Variants in WWC1 observed in about 807,000 individuals in gnomAD.
WWC1 encodes the protein protein KIBRA.
In WWC1, 55 loss-of-function variants were observed where a neutral mutation model predicts 138.4. That is an observed-to-expected ratio of 0.40 (90% CI 0.32 to 0.50). WWC1 has a LOEUF of 0.50. Among genes scored for constraint, WWC1 ranks in the 20% least tolerant of loss-of-function variants. The pLI, the probability that WWC1 is intolerant of heterozygous loss-of-function variation, is 0.72. For missense variants in WWC1, 1,226 were observed against 1,420.4 expected (o/e 0.86, Z 2.20); for synonymous variants, 524 against 564.9 (o/e 0.93, Z 1.03).
Position 168,349,243 on chromosome 5 carries a change from G to T in WWC1, c.120-22181G>T, listed in dbSNP as rs929425185. 4.1e-4 allele frequency among the ~76,000 whole-genome samples: 62 copies of T among 152,288 alleles called. 2 individuals carry two copies. The highest frequency in any genetic ancestry group is 1.5e-3 in the African/African-American group (61 of 41,558). On this transcript the variant is annotated intron_variant, in intron 1 of 22. Transcript: ENST00000265293. The stretch of plus-strand genomic sequence containing the variant: ...ACCTGTAAGGTCATTCAGCCATGCA[G>T]GTGTAGGCCTCTTGGGCACGTGGGT...
chr5:168,465,833 C>T (rs1757251954), intron 21 of WWC1, among the ~76,000 whole-genome samples: 1 of 152,160 alleles, frequency 6.6e-6, no homozygotes, highest in African/African-American at 2.4e-5. Context: ...GTTGCGATTA[C>T]AGGCATGAGC....
intron 1 of WWC1, among the ~76,000 whole-genome samples, chr5:168,312,703 G>C (rs1282377827): frequency 2.0e-5 from 3 of 152,144 alleles, no homozygotes; most frequent in Non-Finnish European, 4.4e-5. Flanking sequence ...ATATCACAGA[G>C]CCAGCCTTGA....
intron 1 of WWC1, among the ~76,000 whole-genome samples, chr5:168,301,305 A>G (rs537704195): frequency 2.0e-4 from 31 of 152,204 alleles, no homozygotes; most frequent in Non-Finnish European, 4.4e-4. Context: ...AAAGATCATT[A>G]GAGGACACTG....
intron 3 of WWC1, among the ~76,000 whole-genome samples, chr5:168,393,429 C>T (rs1350483154): frequency 1.3e-5 from 2 of 152,144 alleles, no homozygotes; most frequent in African/African-American, 4.8e-5. Context: ...AGACTTCTCA[C>T]CAATAGCACT....
At chr5:168,456,695 C>A (rs1455098516) in intron 19 of WWC1, among the ~76,000 whole-genome samples, 26 of 86,162 alleles carry the variant, frequency 3.0e-4, no homozygotes, top group African/African-American at 1.4e-3. Context: ...TAATGCTCCG[C>A]CAATTTTTTT....
intron 1 of WWC1, among the ~76,000 whole-genome samples, chr5:168,357,493 TGCGCGCGC>T (rs374080598): frequency 5.8e-5 from 7 of 119,810 alleles, no homozygotes; most frequent in African/African-American, 3.0e-4. Context: ...TGTGTGTGTG[TGCGCGCGC>T]GCACGCATGC....
At chr5:168,339,781 A>G (rs1374879796) in intron 1 of WWC1, among the ~76,000 whole-genome samples, 1 of 144,570 alleles carries the variant, frequency 6.9e-6, no homozygotes, top group Non-Finnish European at 1.5e-5. Flanking sequence ...CAACGAGACT[A>G]TGAGACAAGT....
At chr5:168,380,895 A>G (rs777858706) in intron 2 of WWC1, among the ~76,000 whole-genome samples, 1 of 152,172 alleles carries the variant, frequency 6.6e-6, no homozygotes, top group Non-Finnish European at 1.5e-5. Flanking sequence ...AGGCCCTAAG[A>G]GCAAATAACT....
chr5:168,466,297 C>A (rs538784674), intron 21 of WWC1, among the ~76,000 whole-genome samples: 1 of 151,964 alleles, frequency 6.6e-6, no homozygotes, highest in Non-Finnish European at 1.5e-5. Flanking sequence ...TATGCAAGGG[C>A]CAATATAGGA....
rs1371983220 is a variant in WWC1 at position 168,469,376 on chromosome 5, T to A, written c.*359T>A. On this transcript the variant is annotated 3_prime_UTR_variant, in exon 23 of 23. Coordinates refer to ENST00000265293, the MANE Select transcript of WWC1 (RefSeq NM_015238.3). The stretch of plus-strand genomic sequence containing the variant: ...TTAGATTTTTTTTGGTTTGTACAGC[T>A]CCACCTTTTAGAGGTCTTACTGCAA... 8.6e-6 allele frequency: 2 copies of A among 232,364 alleles called. No homozygotes were observed. The highest frequency in any genetic ancestry group is 4.5e-5 in the African/African-American group (2 of 44,370). 14.4% of individuals were successfully genotyped at this position (232,364 alleles called of 1,614,324 possible). A position where few individuals can be genotyped will look rare whatever the true frequency, so the allele number is the denominator to read the frequency against.
intron 5 of WWC1, among the ~76,000 whole-genome samples, chr5:168,405,611 C>T (rs891442963): frequency 4.6e-5 from 7 of 151,994 alleles, no homozygotes; most frequent in African/African-American, 1.7e-4. Context: ...GAAGGCTTCC[C>T]ATAAGAGCTG....
At chr5:168,372,754 C>A (rs1318533784) in intron 2 of WWC1, among the ~76,000 whole-genome samples, 1 of 152,190 alleles carries the variant, frequency 6.6e-6, no homozygotes, top group Non-Finnish European at 1.5e-5. Flanking sequence ...TTCAGTAGCA[C>A]CCTGGCCACA....
chr5:168,423,407 G>A (rs867879276), intron 10 of WWC1, 126 bp from the exon 11 acceptor site: 1 of 1,058,916 alleles, frequency 9.4e-7, no homozygotes, highest in Non-Finnish European at 1.4e-6. Context: ...GGGGGTGAAG[G>A]GTCTACCCTA....
intron 17 of WWC1, among the ~76,000 whole-genome samples, chr5:168,452,059 C>T (rs1333998291): frequency 6.6e-6 from 1 of 152,044 alleles, no homozygotes; most frequent in Non-Finnish European, 1.5e-5. Context: ...GTGCCCACCA[C>T]CACGCCTGGC....
chr5:168,426,147 G>T (rs1392856446), intron 11 of WWC1, among the ~76,000 whole-genome samples: 1 of 152,158 alleles, frequency 6.6e-6, no homozygotes, highest in Non-Finnish European at 1.5e-5. Context: ...GAGTGCCAGT[G>T]GTTTCCTTAG....
intron 4 of WWC1, among the ~76,000 whole-genome samples, chr5:168,398,138 C>CT (rs1421460381): frequency 1.3e-5 from 2 of 152,038 alleles, no homozygotes; most frequent in East Asian, 3.8e-4. Context: ...GAGTCTCGCT[C>CT]TGTCACCCAG....
intron 2 of WWC1, among the ~76,000 whole-genome samples, chr5:168,375,772 A>G (rs964781913): frequency 6.6e-6 from 1 of 151,884 alleles, no homozygotes; most frequent in Non-Finnish European, 1.5e-5. Context: ...ACAGGGTTTC[A>G]CCTTGTTGGC....
rs59179466 is a variant in WWC1 at position 168,418,682 on chromosome 5, C to T, written c.1185-3326C>T. Among the ~76,000 whole-genome samples, 562 of 152,158 alleles carry T rather than the reference C, an allele frequency of 3.7e-3. 4 individuals carry two copies. The highest frequency in any genetic ancestry group is 0.013 in the African/African-American group (548 of 41,514). ...CATCCTCTTGAGGCTTCACTGGGGA[C>T]CCACATTTACTCCCAGCACACACCT... On this transcript the variant is annotated intron_variant, in intron 9 of 22. Coordinates refer to ENST00000265293, the MANE Select transcript of WWC1 (RefSeq NM_015238.3).
intron 1 of WWC1, among the ~76,000 whole-genome samples, chr5:168,321,711 A>G (rs1345492821): frequency 1.3e-5 from 2 of 151,650 alleles, no homozygotes; most frequent in Non-Finnish European, 2.9e-5. Context: ...CTAATTTTGT[A>G]TTTTTAGTAG....
Sources: gnomAD v4.1 joint callset for allele counts (sites outside exome capture counted in the v4.1 genomes callset) on GRCh38, gnomAD v4.1.1 for gene constraint, MANE v1.5 for transcripts, NCBI Gene and HGNC (gene_info 2026-07-23, HGNC 2026-07-21) for gene names.